Variants in ZNF407 observed in about 807,000 individuals in gnomAD.
ZNF407 encodes zinc finger protein 407.
A neutral mutation model predicts 131.2 loss-of-function variants in ZNF407; 17 were observed. That is an observed-to-expected ratio of 0.13 (90% CI 0.09 to 0.19). The LOEUF (loss-of-function observed/expected upper bound fraction) is 0.19. Ranked by LOEUF, ZNF407 falls within the 10% of genes least tolerant of loss-of-function variation. The pLI is 1.00. For synonymous variants in ZNF407, 1,156 were observed against 1,062.0 expected, an observed-to-expected ratio of 1.09 and a Z score of -1.72; for missense variants, 2,681 against 2,830.6, an observed-to-expected ratio of 0.95 and a Z score of 1.20.
intron 1 of ZNF407, among the ~76,000 whole-genome samples, chr18:74,606,116 GC>G (rs1982795511): frequency 6.6e-6 from 1 of 152,196 alleles, no homozygotes; most frequent in Admixed American, 6.5e-5. Flanking sequence ...GACATGAAGA[GC>G]TTTTCCAGAA....
intron 3 of ZNF407, among the ~76,000 whole-genome samples, chr18:74,681,725 A>G (rs945390413): frequency 5.3e-5 from 8 of 152,142 alleles, no homozygotes; most frequent in African/African-American, 1.9e-4. Context: ...AATTTTTCAT[A>G]TTTTGTCAGA....
At chr18:74,961,218 T>C (rs1189082274) in intron 8 of ZNF407, among the ~76,000 whole-genome samples, 1 of 152,188 alleles carries the variant, frequency 6.6e-6, no homozygotes, top group African/African-American at 2.4e-5. Context: ...ACATTTGTTA[T>C]ACTCCTTTAA....
At chr18:74,720,549 A>G (rs547891782) in intron 3 of ZNF407, among the ~76,000 whole-genome samples, 2 of 151,976 alleles carry the variant, frequency 1.3e-5, no homozygotes, top group East Asian at 3.9e-4. Context: ...TGTGCTTTTC[A>G]GGTCTTACTC....
Position 74,601,681 on chromosome 18 carries a change from C to T in ZNF407, c.-54+3744C>T, listed in dbSNP as rs543258346. ...AGCGAGAGAGTGGGGAGGTGCTATG[C>T]ACTTTTAAATAGCCAGGTCACATGG... On this transcript the variant is annotated intron_variant, in intron 1 of 8. Coordinates refer to ENST00000299687, the MANE Select transcript of ZNF407 (RefSeq NM_017757.3). Among the ~76,000 whole-genome samples the T allele has an allele frequency of 7.2e-5, 11 of 152,116 alleles. No homozygotes were observed. The East Asian group carries it at 1.4e-3, about 19-fold the overall frequency.
At chr18:74,598,573 C>G (rs1389729001) in intron 1 of ZNF407, 3 of 152,396 alleles carry the variant, frequency 2.0e-5, no homozygotes, top group Non-Finnish European at 4.4e-5. Context: ...CTACTCGCGC[C>G]TTCTTCCGTT....
chr18:74,683,734 A>G (rs916234687), intron 3 of ZNF407, among the ~76,000 whole-genome samples: 2 of 152,210 alleles, frequency 1.3e-5, no homozygotes, highest in Non-Finnish European at 1.5e-5. Context: ...TTGTCTTTGT[A>G]TACTAACTCA....
chr18:74,991,364 C>A (rs183061027), intron 8 of ZNF407, among the ~76,000 whole-genome samples: 18 of 152,134 alleles, frequency 1.2e-4, no homozygotes, highest in African/African-American at 3.9e-4. Context: ...TTCTGTATAT[C>A]TTTGATTTCT....
chr18:74,714,345 G>A (rs540076230), intron 3 of ZNF407, among the ~76,000 whole-genome samples: 7 of 152,328 alleles, frequency 4.6e-5, no homozygotes, highest in African/African-American at 1.7e-4. Context: ...CTTCTAGGAA[G>A]CAAAGTACCA....
Position 74,632,946 on chromosome 18 carries a change from T to G in ZNF407, c.1927T>G (p.Leu643Val), listed in dbSNP as rs139800364. 1 of 1,613,292 alleles carries G rather than the reference T, an allele frequency of 6.2e-7. No homozygotes were observed. Residue 643 changes from leucine to valine, a missense_variant, in exon 2 of 9, where the codon TTG (leucine) becomes GTG (valine). Around this residue, in one of 6 missense-constraint regions of ZNF407, gnomAD observed 1,789 missense variants for 1,748.7 expected, o/e 1.02. Transcript: ENST00000299687. Reference sequence around the variant, plus strand: ...AGCCACCGAGAAGCATATTAATTCATTGGTTCAACCAAAGACTTTGCAATC... The same window carrying G: ...AGCCACCGAGAAGCATATTAATTCAGTGGTTCAACCAAAGACTTTGCAATC... The part of the protein sequence containing the change: ...HKATEKHINS[L>V]VQPKTLQSSN...
At chr18:74,860,836 T>C (rs1305433723) in intron 4 of ZNF407, among the ~76,000 whole-genome samples, 1 of 152,188 alleles carries the variant, frequency 6.6e-6, no homozygotes, top group Non-Finnish European at 1.5e-5. Flanking sequence ...AAAATATTCA[T>C]TATAAGACAT....
chr18:75,062,431 C>T (rs1973647744), intron 8 of ZNF407: 1 of 152,212 alleles, frequency 6.6e-6, no homozygotes, highest in Admixed American at 6.5e-5. Context: ...GCCCGCTGCC[C>T]AGTTCTGCAG....
At chr18:75,061,250 A>G (rs1394393525) in intron 8 of ZNF407, 2 of 152,230 alleles carry the variant, frequency 1.3e-5, no homozygotes, top group African/African-American at 4.8e-5. Context: ...AATATCTCAA[A>G]AATGTGGTTG....
intron 3 of ZNF407, among the ~76,000 whole-genome samples, chr18:74,669,901 T>C (rs1986075612): frequency 6.6e-6 from 1 of 152,232 alleles, no homozygotes; most frequent in Admixed American, 6.5e-5. Context: ...AACACAGTTT[T>C]TAGATAATTT....
At chr18:74,965,836 G>C (rs563152251) in intron 8 of ZNF407, among the ~76,000 whole-genome samples, 1 of 152,172 alleles carries the variant, frequency 6.6e-6, no homozygotes, top group South Asian at 2.1e-4. Flanking sequence ...CTTGCCTTTT[G>C]AATATAAGCC....
At chr18:74,861,055 G>A (rs1396287969) in intron 4 of ZNF407, among the ~76,000 whole-genome samples, 2 of 152,090 alleles carry the variant, frequency 1.3e-5, no homozygotes, top group African/African-American at 2.4e-5. Context: ...CATTGTGTCC[G>A]CCTCTTTTTA....
chr18:74,671,005 G>T (rs565725701), intron 3 of ZNF407, among the ~76,000 whole-genome samples: 2 of 152,132 alleles, frequency 1.3e-5, no homozygotes, highest in Non-Finnish European at 1.5e-5. Flanking sequence ...CACTAAGTAC[G>T]TTCCCATTAT....
intron 3 of ZNF407, among the ~76,000 whole-genome samples, chr18:74,653,605 T>C (rs1047262187): frequency 1.1e-4 from 16 of 151,862 alleles, no homozygotes; most frequent in African/African-American, 3.4e-4. Flanking sequence ...ATATTTAACA[T>C]GTATCGATAT....
chr18:74,698,289 A>G (rs1043600517), intron 3 of ZNF407, among the ~76,000 whole-genome samples: 1 of 152,238 alleles, frequency 6.6e-6, no homozygotes, highest in Non-Finnish European at 1.5e-5. Flanking sequence ...TAGTGATTCA[A>G]TAAAGCAGAA....
At chr18:74,760,691 T>C (rs1407570145) in intron 3 of ZNF407, among the ~76,000 whole-genome samples, 1 of 152,104 alleles carries the variant, frequency 6.6e-6, no homozygotes, top group African/African-American at 2.4e-5. Context: ...AGGTAAGTAG[T>C]GGAATTTTTA....
Sources: allele counts gnomAD v4.1 joint callset (sites outside exome capture counted in the v4.1 genomes callset), GRCh38; gene constraint gnomAD v4.1.1; regional missense constraint gnomAD v4.1.1; transcripts MANE v1.5; gene names NCBI Gene and HGNC (gene_info 2026-07-23, HGNC 2026-07-21).